Variants in OSBPL6 observed in about 807,000 individuals in gnomAD.
OSBPL6 encodes oxysterol-binding protein-related protein 6.
In OSBPL6, 49 loss-of-function variants were observed where a neutral mutation model predicts 125.8. The observed-to-expected ratio is 0.39, with a 90% CI of 0.31 to 0.49. The LOEUF is 0.49. Ranked by LOEUF, OSBPL6 falls within the 20% of genes least tolerant of loss-of-function variation. The pLI, the probability that OSBPL6 is intolerant of heterozygous loss-of-function variation, is 0.88. For synonymous variants in OSBPL6, 394 were observed against 391.8 expected (o/e 1.01, Z -0.07); for missense variants, 986 against 1,135.4 (o/e 0.87, Z 1.89).
chr2:178,332,243 TTCTGCCCCAGCAGCTG>T (rs1485683718), intron 6 of OSBPL6, among the ~76,000 whole-genome samples: 2 of 152,286 alleles, frequency 1.3e-5, no homozygotes, highest in East Asian at 3.9e-4. Flanking sequence ...AGCTGCCCTG[TTCTGCCCCAGCAGCTG>T]TCTGCCAGCT....
At chr2:178,204,137 C>A (rs1241307131) in intron 1 of OSBPL6, among the ~76,000 whole-genome samples, 2 of 151,204 alleles carry the variant, frequency 1.3e-5, no homozygotes, top group African/African-American at 2.4e-5. Context: ...GTTTCTCATG[C>A]CTTGGCCCCC....
At chr2:178,309,141 A>G (rs1317336099) in intron 3 of OSBPL6, among the ~76,000 whole-genome samples, 2 of 151,976 alleles carry the variant, frequency 1.3e-5, no homozygotes, top group African/African-American at 2.4e-5. Flanking sequence ...ATGCCTCCCT[A>G]TGCCTCAAAG....
At position 178,319,737 on chromosome 2, in the gene OSBPL6, C is replaced by A. The variant is rs560988259; in HGVS notation, c.103-4440C>A. Among the ~76,000 whole-genome samples, 3 of 152,334 alleles carry A rather than the reference C, an allele frequency of 2.0e-5. No individual in the cohort carries two copies. In the East Asian group the frequency reaches 5.8e-4, roughly 29 times the overall value. ...TATCCTACAGAAGTTACTAGTACCA[C>A]TGAAATAGTGTTGCTACGTTCAAAG... On this transcript the variant is annotated intron_variant, in intron 3 of 24. Transcript: ENST00000190611.
rs1206829325 is a variant in OSBPL6 at position 178,312,262 on chromosome 2, A to G, written c.102+5976A>G. The stretch of plus-strand genomic sequence containing the variant: ...CTGCAACCTCCGCCTCCCGGGTTCA[A>G]GTGATTCTCCTGCCTCAGCCTTCCG... On this transcript the variant is annotated intron_variant, in intron 3 of 24. Transcript: ENST00000190611. Among the ~76,000 whole-genome samples, 7 of 150,114 alleles carry G rather than the reference A, an allele frequency of 4.7e-5. No individual in the cohort carries two copies. In the Admixed American group the frequency reaches 4.7e-4, roughly 10 times the overall value.
rs144188353 is a variant in OSBPL6 at position 178,247,460 on chromosome 2, G to A, written c.-350-37467G>A. 5.9e-3 allele frequency among the ~76,000 whole-genome samples: 891 copies of A among 152,208 alleles called. 10 individuals carry two copies. The highest frequency in any genetic ancestry group is 0.021 in the African/African-American group (852 of 41,522). On this transcript the variant is annotated intron_variant, in intron 1 of 24. Coordinates refer to ENST00000190611, the MANE Select transcript of OSBPL6 (RefSeq NM_032523.4). ...CGTTCTGATGTGTTTCTATTCCTAG[G>A]CATGTCATGGGCACTCTTCTTGGTT...
chr2:178,285,149 C>T (rs1189260595), intron 2 of OSBPL6, 28 bp downstream of exon 2: 53 of 397,998 alleles, frequency 1.3e-4, no homozygotes, highest in Admixed American at 3.1e-4. Flanking sequence ...AAGCTTAAAA[C>T]CAAAAGCAGG....
intron 12 of OSBPL6, among the ~76,000 whole-genome samples, chr2:178,357,836 A>C (rs1242866900): frequency 1.3e-5 from 2 of 152,200 alleles, no homozygotes; most frequent in Non-Finnish European, 2.9e-5. Flanking sequence ...AACCAACCCA[A>C]ATGTCCATCA....
In OSBPL6 at chr2:178,388,422, C is replaced by T. The variant is rs747565293; in HGVS notation, c.2157-587C>T. Among the ~76,000 whole-genome samples the T allele has an allele frequency of 3.9e-5, 6 of 152,150 alleles. 1 individual carries two copies. The highest frequency in any genetic ancestry group is 4.1e-4 in the South Asian group (2 of 4,830). On this transcript the variant is annotated intron_variant, in intron 20 of 24. Coordinates refer to ENST00000190611, the MANE Select transcript of OSBPL6 (RefSeq NM_032523.4). ...CAGGGTAAATCTAGACTCCTTGGTA[C>T]GTCCCTGCAGGCCTTCCCGGCTCTG... is the stretch of plus-strand genomic sequence containing the variant.
chr2:178,393,968 G>A (rs1383026735), intron 23 of OSBPL6, among the ~76,000 whole-genome samples: 2 of 152,164 alleles, frequency 1.3e-5, no homozygotes, highest in African/African-American at 4.8e-5. Flanking sequence ...ATGACTTCAC[G>A]CTCTTCTCAC....
At chr2:178,286,059 G>A (rs1174676428) in intron 2 of OSBPL6, among the ~76,000 whole-genome samples, 3 of 152,144 alleles carry the variant, frequency 2.0e-5, no homozygotes, top group African/African-American at 7.2e-5. Flanking sequence ...TTGTTTAAAA[G>A]CGCATTTTAG....
chr2:178,400,934 T>C lies in OSBPL6; in HGVS notation c.*5375T>C, dbSNP rs1696085376. On this transcript the variant is annotated 3_prime_UTR_variant, in exon 25 of 25. Transcript: ENST00000190611. ...ACATGTTGTAACAGAAAGAATCCCA[T>C]TAAGTCCTAGTTCTGGTAGCCCGGT... The C allele has an allele frequency of 6.6e-6, 1 of 152,274 alleles. No homozygotes were observed. Among genetic ancestry groups the C allele is most frequent in the African/African-American group, 2.4e-5 (1 of 41,476 alleles). The allele number at this position is 152,274 out of a possible 1,614,324, so 9.4% of individuals were successfully genotyped here.
intron 4 of OSBPL6, among the ~76,000 whole-genome samples, chr2:178,325,831 G>A (rs1688654167): frequency 6.6e-6 from 1 of 152,218 alleles, no homozygotes. Flanking sequence ...TGTTAGCCCA[G>A]CTCACAGCAG....
chr2:178,266,676 A>C (rs889825438), intron 1 of OSBPL6, among the ~76,000 whole-genome samples: 1 of 152,178 alleles, frequency 6.6e-6, no homozygotes, highest in Non-Finnish European at 1.5e-5. Flanking sequence ...CAGTCTCTTC[A>C]CTCCAGTGAT....
At chr2:178,265,849 C>G (rs2092216175) in intron 1 of OSBPL6, among the ~76,000 whole-genome samples, 1 of 152,060 alleles carries the variant, frequency 6.6e-6, no homozygotes, top group South Asian at 2.1e-4. Context: ...TATTGAGCAT[C>G]ATGTAGCTTT....
chr2:178,401,388 A>G lies in OSBPL6; in HGVS notation c.*5829A>G, dbSNP rs1696101022. 1 of 152,202 alleles carries G rather than the reference A, an allele frequency of 6.6e-6. No individual in the cohort carries two copies. Among genetic ancestry groups the G allele is most frequent in the Non-Finnish European group, 1.5e-5 (1 of 68,044 alleles). The allele number at this position is 152,202 out of a possible 1,614,324, so 9.4% of individuals were successfully genotyped here. On this transcript the variant is annotated 3_prime_UTR_variant, in exon 25 of 25. Transcript: ENST00000190611. Reference sequence around the variant, plus strand: ...ATCTGGAAACAAAGTTACTAAACCTAGTTTTGAAAAAGCAATGGAAATGAA... The same window carrying G: ...ATCTGGAAACAAAGTTACTAAACCTGGTTTTGAAAAAGCAATGGAAATGAA...
At chr2:178,212,480 C>T (rs1574497249) in intron 1 of OSBPL6, among the ~76,000 whole-genome samples, 1 of 152,130 alleles carries the variant, frequency 6.6e-6, no homozygotes, top group Admixed American at 6.5e-5. Flanking sequence ...CTGAGGTGAG[C>T]CTTACAATTA....
chr2:178,330,261 A>T (rs1030078370), intron 5 of OSBPL6, among the ~76,000 whole-genome samples: 18 of 152,334 alleles, frequency 1.2e-4, no homozygotes, highest in African/African-American at 4.1e-4. Context: ...TTTTGTATGA[A>T]TTGCTAACTT....
chr2:178,394,464 C>A, intron 24 of OSBPL6, 29 bp downstream of exon 24: 1 of 1,580,684 alleles, frequency 6.3e-7, no homozygotes, highest in South Asian at 1.2e-5. Context: ...ATAGCAAGTT[C>A]ATGTTTTGCA....
At chr2:178,356,240 C>A (rs2154094661) in intron 12 of OSBPL6, among the ~76,000 whole-genome samples, 1 of 152,168 alleles carries the variant, frequency 6.6e-6, no homozygotes, top group South Asian at 2.1e-4. Flanking sequence ...CTGGCCAGGG[C>A]AATCAGGCAA....
Sources: gnomAD v4.1 joint callset for allele counts (sites outside exome capture counted in the v4.1 genomes callset) on GRCh38, gnomAD v4.1.1 for gene constraint, MANE v1.5 for transcripts, NCBI Gene and HGNC (gene_info 2026-07-23, HGNC 2026-07-21) for gene names.